The following SLC17A8 variants were observed in gnomAD, a reference collection of about 807,000 sequenced individuals.
The protein encoded by SLC17A8 is solute carrier family 17 member 8, also known as vesicular glutamate transporter 3.
Under a neutral mutation model 58.0 loss-of-function variants are expected in SLC17A8, and 31 were observed. The ratio of observed to expected loss-of-function variants is 0.53; its 90% CI spans 0.40 to 0.72. The LOEUF (loss-of-function observed/expected upper bound fraction) is 0.72. SLC17A8 is among the 30% of genes least tolerant of loss of function. The probability of loss-of-function intolerance (pLI) is 0.00; values close to 1 mark genes in which losing one functional copy is unlikely to be tolerated. For missense variants in SLC17A8, 655 were observed against 727.8 expected (o/e 0.90, Z 1.15); for synonymous variants, 228 against 249.0 (o/e 0.92, Z 0.79).
rs1255163973 is a variant in SLC17A8, at chr12:100,421,899, C to G, written c.*1740C>G. On this transcript the variant is annotated 3_prime_UTR_variant, in exon 12 of 12. Coordinates refer to ENST00000323346, the MANE Select transcript of SLC17A8 (RefSeq NM_139319.3). ...ACAGTTCCTAGCATGCAGAAAATGCCCACGTAAATAGCTGTCATCATCATT... is the reference window on the plus strand; with the variant it reads ...ACAGTTCCTAGCATGCAGAAAATGCGCACGTAAATAGCTGTCATCATCATT... The G allele has an allele frequency of 6.6e-6, 1 of 151,878 alleles. No homozygotes were observed. The highest frequency in any genetic ancestry group is 1.9e-4 in the East Asian group (1 of 5,190). 9.4% of individuals were successfully genotyped at this position (151,878 alleles called of 1,614,324 possible). A position where few individuals can be genotyped will look rare whatever the true frequency, so the allele number is the denominator to read the frequency against.
chr12:100,400,233 C>T (rs1053498559), intron 5 of SLC17A8, among the ~76,000 whole-genome samples: 3 of 152,208 alleles, frequency 2.0e-5, no homozygotes, highest in Admixed American at 6.5e-5. Context: ...GCCACCCTAT[C>T]TCCACGCACA....
At chr12:100,366,532 TTC>T (rs1952522084) in intron 1 of SLC17A8, among the ~76,000 whole-genome samples, 1 of 152,210 alleles carries the variant, frequency 6.6e-6, no homozygotes, top group African/African-American at 2.4e-5. Flanking sequence ...ATAGAGGTAT[TTC>T]TCTTTCTTCA....
chr12:100,382,596 T>G (rs1952645270), intron 2 of SLC17A8, among the ~76,000 whole-genome samples: 1 of 152,188 alleles, frequency 6.6e-6, no homozygotes, highest in Admixed American at 6.5e-5. Context: ...GAAGAAACAT[T>G]TAGATCACAG....
At chr12:100,402,518 A>G (rs1456265296) in intron 7 of SLC17A8, 39 bp downstream of exon 7, 3 of 1,613,294 alleles carry the variant, frequency 1.9e-6, no homozygotes, top group African/African-American at 1.3e-5. Context: ...ACCTTTTTTC[A>G]TAAGTGATTG....
At chr12:100,418,228 A>G (rs1420975806) in intron 11 of SLC17A8, 72 bp downstream of exon 11, 1 of 1,590,374 alleles carries the variant, frequency 6.3e-7, no homozygotes, top group South Asian at 1.1e-5. Context: ...TGAGATTTCA[A>G]GGCTCTACTG....
intron 9 of SLC17A8, among the ~76,000 whole-genome samples, chr12:100,407,498 T>C (rs1952834651): frequency 6.6e-6 from 1 of 152,174 alleles, no homozygotes. Flanking sequence ...CTGCAGAAAC[T>C]AGAAGGCATA....
At chr12:100,367,782 G>C (rs1458995104) in intron 1 of SLC17A8, among the ~76,000 whole-genome samples, 1 of 152,138 alleles carries the variant, frequency 6.6e-6, no homozygotes, top group Non-Finnish European at 1.5e-5. Flanking sequence ...CGAACTCCTG[G>C]GCTCAAGCCA....
chr12:100,404,384 G>A (rs888151685), intron 9 of SLC17A8: 2 of 590,472 alleles, frequency 3.4e-6, no homozygotes, highest in South Asian at 2.0e-5. Context: ...CACATTTATT[G>A]TTTGCTTATG....
At chr12:100,382,282 G>A (rs543248691) in intron 2 of SLC17A8, among the ~76,000 whole-genome samples, 1 of 152,222 alleles carries the variant, frequency 6.6e-6, no homozygotes, top group South Asian at 2.1e-4. Flanking sequence ...AGGTAAGATA[G>A]GAATGGAGGC....
chr12:100,371,976 T>C (rs1015423162), intron 1 of SLC17A8, among the ~76,000 whole-genome samples: 2 of 152,228 alleles, frequency 1.3e-5, no homozygotes, highest in East Asian at 1.9e-4. Flanking sequence ...ATATATTTTA[T>C]AGAAACCTCG....
At chr12:100,361,224 C>T (rs1952481997) in intron 1 of SLC17A8, among the ~76,000 whole-genome samples, 1 of 152,184 alleles carries the variant, frequency 6.6e-6, no homozygotes, top group Admixed American at 6.5e-5. Context: ...AAGCCAGTGC[C>T]CTTTCAATGG....
chr12:100,359,003 T>C (rs1160540045), intron 1 of SLC17A8, among the ~76,000 whole-genome samples: 4 of 152,064 alleles, frequency 2.6e-5, no homozygotes, highest in African/African-American at 9.7e-5. Flanking sequence ...TTAGCCAGCA[T>C]GATGGTGCAT....
At chr12:100,396,292 A>T in intron 4 of SLC17A8, 38 bp from the exon 5 acceptor site, 9 of 1,507,004 alleles carry the variant, frequency 6.0e-6, no homozygotes, top group Non-Finnish European at 8.3e-6. Flanking sequence ...CAGAAACTAC[A>T]GTCAAATCAA....
rs11568530 is a variant in SLC17A8 at position 100,396,399 on chromosome 12, G to A, written c.658G>A (p.Ala220Thr). 416 of 1,613,820 alleles carry A rather than the reference G, an allele frequency of 2.6e-4. No homozygotes were observed. The highest frequency in any genetic ancestry group is 2.5e-4 in the Non-Finnish European group (291 of 1,179,910). ...ACCACCTTTGGAGAGAAGCCGACTG[G>A]CCACAACCTCTTTTTGTGGTGGGTA... ...WAPPLERSRL[A>T]TTSFCGSYAG... The change falls in exon 5 of 12, where the codon GCC becomes ACC. Residue 220 changes from alanine to threonine, a missense_variant. Transcript: ENST00000323346.
At chr12:100,392,247 C>A (rs1952722038) in intron 3 of SLC17A8, among the ~76,000 whole-genome samples, 2 of 149,044 alleles carry the variant, frequency 1.3e-5, no homozygotes, top group African/African-American at 5.0e-5. Flanking sequence ...GTTGTGAAAA[C>A]AATATAATGA....
chr12:100,420,010 A>G lies in SLC17A8; in HGVS notation c.1621A>G (p.Ser541Gly). The stretch of plus-strand genomic sequence containing the variant: ...AGAACTCAACCATGAGAGTTTTGCG[A>G]GTCCCAAAAAGAAGATGTCTTATGG... ...EIELNHESFA[S>G]PKKKMSYGAT... Residue 541 changes from serine (S) to glycine (G), a missense_variant, in exon 12 of 12, where the codon AGT (serine) becomes GGT (glycine). Ser to Gly is a moderately conservative substitution (Grantham distance 56, BLOSUM62 0). Transcript: ENST00000323346. 1 of 1,614,082 alleles carries G rather than the reference A, an allele frequency of 6.2e-7. No homozygotes were observed. The highest frequency in any genetic ancestry group is 8.5e-7 in the Non-Finnish European group (1 of 1,179,968).
intron 5 of SLC17A8, among the ~76,000 whole-genome samples, chr12:100,400,647 TG>T (rs1401632562): frequency 6.6e-6 from 1 of 152,198 alleles, no homozygotes; most frequent in Non-Finnish European, 1.5e-5. Context: ...CATCAAATTC[TG>T]GGATATAGAA....
intron 5 of SLC17A8, among the ~76,000 whole-genome samples, chr12:100,399,067 T>A (rs1232571138): frequency 6.6e-6 from 1 of 152,222 alleles, no homozygotes; most frequent in Non-Finnish European, 1.5e-5. Flanking sequence ...ATCAGACTAA[T>A]ACATCCAGTT....
chr12:100,380,139 C>T (rs1054518997), intron 1 of SLC17A8, among the ~76,000 whole-genome samples: 6 of 142,466 alleles, frequency 4.2e-5, no homozygotes, highest in African/African-American at 1.3e-4. Flanking sequence ...GCAGAGGTTG[C>T]GGGGAGCCGA....
Sources: allele counts gnomAD v4.1 joint callset (sites outside exome capture counted in the v4.1 genomes callset), GRCh38; gene constraint gnomAD v4.1.1; transcripts MANE v1.5; gene names NCBI Gene and HGNC (gene_info 2026-07-23, HGNC 2026-07-21).